GATB: variants seen among roughly 807,000 people sequenced by gnomAD.
GATB encodes glutamyl-tRNA amidotransferase subunit B.
In GATB, 39 loss-of-function variants were observed where a neutral mutation model predicts 62.3. That is an observed-to-expected ratio of 0.63 (90% CI 0.48 to 0.82). The LOEUF (loss-of-function observed/expected upper bound fraction) is 0.82, where lower values mean the gene tolerates loss of function less well. Among genes scored for constraint, GATB ranks in the 40% least tolerant of loss-of-function variants. The probability of loss-of-function intolerance (pLI) is 0.00; values close to 1 mark genes in which losing one functional copy is unlikely to be tolerated. For missense variants in GATB, 670 were observed against 684.0 expected (o/e 0.98, Z 0.23); for synonymous variants, 276 against 258.9 (o/e 1.07, Z -0.63).
At chr4:151,704,835 G>A (rs1363035279) in intron 7 of GATB, among the ~76,000 whole-genome samples, 1 of 151,764 alleles carries the variant, frequency 6.6e-6, no homozygotes, top group Non-Finnish European at 1.5e-5. Flanking sequence ...TGCAAGCGCC[G>A]CCTCCCGGGT....
intron 11 of GATB, chr4:151,675,852 G>C (rs947525535): frequency 2.0e-5 from 3 of 152,262 alleles, no homozygotes; most frequent in African/African-American, 7.2e-5. Context: ...ATGGGGCAGA[G>C]ACTCGGCCTT....
At chr4:151,710,098 C>G (rs1018222433) in intron 5 of GATB, among the ~76,000 whole-genome samples, 1 of 152,116 alleles carries the variant, frequency 6.6e-6, no homozygotes, top group African/African-American at 2.4e-5. Context: ...ACTGGTGGGT[C>G]CCCTAAACTA....
chr4:151,739,729 G>A (rs1739447928), intron 2 of GATB, among the ~76,000 whole-genome samples: 1 of 152,198 alleles, frequency 6.6e-6, no homozygotes. Context: ...AGGTTTCCAT[G>A]TGACAGGACT....
At chr4:151,701,254 T>C in intron 9 of GATB, 75 bp downstream of exon 9, 1 of 1,219,346 alleles carries the variant, frequency 8.2e-7, no homozygotes, top group Non-Finnish European at 1.1e-6. Context: ...TGGCAGCCTG[T>C]GTGTGGCGGG....
Position 151,672,833 on chromosome 4 carries a change from G to A in GATB, c.1474C>T (p.Leu492Phe), listed in dbSNP as rs778334023. The change falls in exon 12 of 13, where the codon CTT (leucine) becomes TTT (phenylalanine). Residue 492 changes from leucine to phenylalanine, a missense_variant. By Grantham distance (22) the Leu-to-Phe change is conservative. Coordinates refer to ENST00000263985, the MANE Select transcript of GATB (RefSeq NM_004564.3). The stretch of plus-strand genomic sequence containing the variant: ...GCCCCCTGGTCCTGCATCAGTTCAA[G>A]CTGCTTTTCTGAAACAATCTGCCCT... ...TPGQIVSEKQLELMQDQGALE... is the reference protein window; with the variant it reads ...TPGQIVSEKQFELMQDQGALE... The A allele has an allele frequency of 2.5e-6, 4 of 1,614,096 alleles. No individual in the cohort carries two copies. The highest frequency in any genetic ancestry group is 2.5e-6 in the Non-Finnish European group (3 of 1,180,032).
In GATB at chr4:151,742,136, C is replaced by G. The variant is rs552527212; in HGVS notation, c.327+16636G>C. On this transcript the variant is annotated intron_variant, in intron 2 of 12. Transcript: ENST00000263985. ...CGGAGTCTTGCTCTTTCGCCCAGGC[C>G]GGAGTGCAGTGGCGCTATCTCGGCT... Among the ~76,000 whole-genome samples, 14 of 151,136 alleles carry G rather than the reference C, an allele frequency of 9.3e-5. No homozygotes were observed. In the East Asian group the frequency reaches 2.5e-3, roughly 27 times the overall value.
chr4:151,688,521 G>T, intron 10 of GATB, 109 bp downstream of exon 10: 2 of 1,028,060 alleles, frequency 1.9e-6, no homozygotes, highest in South Asian at 1.6e-5. Context: ...GTCATGTCAG[G>T]ATATCCTGAG....
intron 10 of GATB, among the ~76,000 whole-genome samples, chr4:151,686,451 C>T (rs927329991): frequency 6.6e-6 from 1 of 152,106 alleles, no homozygotes; most frequent in Non-Finnish European, 1.5e-5. Flanking sequence ...TCTGTCTTCA[C>T]TCCCCGGGAT....
At chr4:151,721,978 T>C (rs975159608) in intron 2 of GATB, 20 of 564,362 alleles carry the variant, frequency 3.5e-5, no homozygotes, top group Non-Finnish European at 5.3e-5. Context: ...CTTTAATCTT[T>C]TTTTGATGAT....
Position 151,704,742 on chromosome 4 carries a change from G to A in GATB, c.962+443C>T, listed in dbSNP as rs56199243. Among the ~76,000 whole-genome samples, 91 of 147,128 alleles carry A rather than the reference G, an allele frequency of 6.2e-4. 1 individual carries two copies. Among genetic ancestry groups the A allele is most frequent in the African/African-American group, 2.1e-3 (83 of 39,842 alleles). On this transcript the variant is annotated intron_variant, in intron 7 of 12. Coordinates refer to ENST00000263985, the MANE Select transcript of GATB (RefSeq NM_004564.3). ...TGCTGGGATTACAGGCGTGAGCCAC[G>A]GCGCCTGGCCTTCTTTTTTGTTTTT...
intron 10 of GATB, among the ~76,000 whole-genome samples, chr4:151,688,408 G>A (rs555125605): frequency 9.2e-5 from 14 of 152,336 alleles, no homozygotes; most frequent in Middle Eastern, 6.8e-3. Flanking sequence ...CTCTGACACA[G>A]TGCAGAGGAC....
At chr4:151,759,702 C>G (rs1402415872) in intron 1 of GATB, among the ~76,000 whole-genome samples, 1 of 152,090 alleles carries the variant, frequency 6.6e-6, no homozygotes, top group African/African-American at 2.4e-5. Flanking sequence ...GTACATAGGC[C>G]TCTCCAGGTC....
At chr4:151,707,025 A>G (rs1738728645) in intron 6 of GATB, among the ~76,000 whole-genome samples, 1 of 152,260 alleles carries the variant, frequency 6.6e-6, no homozygotes, top group African/African-American at 2.4e-5. Context: ...CATCAAAGAA[A>G]TACCCACAGT....
At chr4:151,759,518 A>G (rs1047190015) in intron 1 of GATB, among the ~76,000 whole-genome samples, 2 of 151,892 alleles carry the variant, frequency 1.3e-5, no homozygotes, top group African/African-American at 4.8e-5. Context: ...ATTTTGCAAA[A>G]CTCCACCACA....
chr4:151,704,546 T>C (rs1223597079), intron 7 of GATB, among the ~76,000 whole-genome samples: 6 of 138,664 alleles, frequency 4.3e-5, no homozygotes, highest in South Asian at 2.4e-4. Context: ...CTCCGCCTCC[T>C]GGGTTTACGC....
At chr4:151,715,317 G>A (rs1405393776) in intron 5 of GATB, among the ~76,000 whole-genome samples, 1 of 152,152 alleles carries the variant, frequency 6.6e-6, no homozygotes, top group Non-Finnish European at 1.5e-5. Flanking sequence ...GATAGCAGAG[G>A]CTACCCTTTA....
At chr4:151,704,930 T>A (rs893590468) in intron 7 of GATB, among the ~76,000 whole-genome samples, 4 of 151,352 alleles carry the variant, frequency 2.6e-5, no homozygotes, top group African/African-American at 9.7e-5. Context: ...TTGTATTTTT[T>A]TAGTAGAGAC....
intron 9 of GATB, among the ~76,000 whole-genome samples, chr4:151,696,469 C>T (rs139128605): frequency 3.9e-5 from 6 of 152,338 alleles, no homozygotes; most frequent in Non-Finnish European, 7.3e-5. Flanking sequence ...TTCTGTTTGA[C>T]ATTATAGCAC....
intron 10 of GATB, among the ~76,000 whole-genome samples, chr4:151,680,928 C>T (rs1198608140): frequency 6.6e-6 from 1 of 152,168 alleles, no homozygotes; most frequent in Non-Finnish European, 1.5e-5. Context: ...TTTATAGCAA[C>T]TAGGCTCATG....
Sources: allele counts gnomAD v4.1 joint callset (sites outside exome capture counted in the v4.1 genomes callset), GRCh38; gene constraint gnomAD v4.1.1; transcripts MANE v1.5; gene names NCBI Gene and HGNC (gene_info 2026-07-23, HGNC 2026-07-21).